ESR1: variants seen among roughly 807,000 people sequenced by gnomAD.
ESR1 encodes the protein estrogen receptor 1, also known as estrogen receptor.
Under a neutral mutation model 52.7 loss-of-function variants are expected in ESR1, and 12 were observed. That is an observed-to-expected ratio of 0.23 (90% CI 0.15 to 0.37). The LOEUF (loss-of-function observed/expected upper bound fraction) is 0.37. Among genes scored for constraint, ESR1 ranks in the 10% least tolerant of loss-of-function variants. ESR1 has a pLI of 1.00. For synonymous variants in ESR1, 305 were observed against 316.8 expected (o/e 0.96, Z 0.39); for missense variants, 584 against 779.7 (o/e 0.75, Z 2.99).
At chr6:151,931,318 C>T (rs182501759) in intron 3 of ESR1, among the ~76,000 whole-genome samples, 422 of 152,242 alleles carry the variant, frequency 2.8e-3, no homozygotes, top group Non-Finnish European at 4.6e-3. Context: ...TCCTCAAAGA[C>T]ATTTTTCATT....
At chr6:151,959,938 A>G (rs572649637) in intron 4 of ESR1, among the ~76,000 whole-genome samples, 1 of 152,326 alleles carries the variant, frequency 6.6e-6, no homozygotes, top group African/African-American at 2.4e-5. Flanking sequence ...ACATGTATGT[A>G]CTATGTGTTC....
intron 5 of ESR1, among the ~76,000 whole-genome samples, chr6:152,023,915 A>C (rs2128828532): frequency 6.6e-6 from 1 of 152,272 alleles, no homozygotes; most frequent in South Asian, 2.1e-4. Context: ...TTTGTAAATA[A>C]AATGTTACTG....
chr6:151,993,054 A>T (rs1168050502), intron 4 of ESR1, among the ~76,000 whole-genome samples: 3 of 152,154 alleles, frequency 2.0e-5, no homozygotes, highest in African/African-American at 7.2e-5. Context: ...GGTTTGAAAA[A>T]TAAAATTATG....
intron 2 of ESR1, among the ~76,000 whole-genome samples, chr6:151,742,478 A>T (rs572687089): frequency 6.6e-6 from 1 of 152,266 alleles, no homozygotes; most frequent in Non-Finnish European, 1.5e-5. Flanking sequence ...TTTCCCTTAC[A>T]TGTGCTGAAC....
At chr6:151,924,007 A>G (rs1385531207) in intron 3 of ESR1, among the ~76,000 whole-genome samples, 1 of 152,150 alleles carries the variant, frequency 6.6e-6, no homozygotes, top group Admixed American at 6.5e-5. Context: ...TAACTATTGT[A>G]ATAGATGTGT....
intron 1 of ESR1, among the ~76,000 whole-genome samples, chr6:151,663,151 A>G (rs181571285): frequency 4.0e-4 from 61 of 152,316 alleles, no homozygotes; most frequent in Admixed American, 7.2e-4. Flanking sequence ...ATTTAATCGC[A>G]TGTGATAACA....
intron 2 of ESR1, among the ~76,000 whole-genome samples, chr6:151,857,367 G>A (rs1240642485): frequency 6.6e-6 from 1 of 151,652 alleles, no homozygotes; most frequent in African/African-American, 2.4e-5. Flanking sequence ...TTTATATAAG[G>A]GACTTAAACA....
chr6:151,674,877 CAA>C (rs1778200169), intron 1 of ESR1, among the ~76,000 whole-genome samples: 1 of 152,122 alleles, frequency 6.6e-6, no homozygotes, highest in African/African-American at 2.4e-5. Context: ...AGTTCATGGA[CAA>C]GAGAATATTT....
intron 3 of ESR1, among the ~76,000 whole-genome samples, chr6:151,894,640 G>A (rs1214776036): frequency 1.3e-5 from 2 of 152,064 alleles, no homozygotes; most frequent in African/African-American, 4.8e-5. Flanking sequence ...TTGTTGAATA[G>A]GGTGTCCTTT....
At chr6:151,743,722 C>G (rs1783271751) in intron 2 of ESR1, among the ~76,000 whole-genome samples, 1 of 152,172 alleles carries the variant, frequency 6.6e-6, no homozygotes, top group East Asian at 1.9e-4. Context: ...CACACAAAGA[C>G]TCTCCCAATG....
chr6:152,049,577 G>A (rs1205361612), intron 5 of ESR1, among the ~76,000 whole-genome samples: 1 of 152,214 alleles, frequency 6.6e-6, no homozygotes, highest in East Asian at 1.9e-4. Flanking sequence ...AATGGAGAGG[G>A]TCTGAGTTCT....
chr6:151,802,873 C>T (rs1382864700), upstream of ESR1, among the ~76,000 whole-genome samples: 1 of 151,856 alleles, frequency 6.6e-6, no homozygotes, highest in Non-Finnish European at 1.5e-5. Context: ...CACCTGTAAT[C>T]CCAGCTACTT....
chr6:151,811,193 G>A (rs907722744), intron 1 of ESR1: 3 of 152,166 alleles, frequency 2.0e-5, no homozygotes, highest in Non-Finnish European at 4.4e-5. Flanking sequence ...GCATAATAAT[G>A]TGAGAAAGAT....
chr6:151,937,510 A>G (rs1471973255), intron 3 of ESR1, among the ~76,000 whole-genome samples: 1 of 152,178 alleles, frequency 6.6e-6, no homozygotes, highest in Non-Finnish European at 1.5e-5. Context: ...GAAGGAACCT[A>G]TGAACTAGGA....
chr6:151,775,669 C>G (rs1049911657), intron 2 of ESR1, among the ~76,000 whole-genome samples: 1 of 151,798 alleles, frequency 6.6e-6, no homozygotes, highest in Non-Finnish European at 1.5e-5. Flanking sequence ...TGGCGTGAAC[C>G]CGGGAGGCGG....
chr6:151,773,703 A>G (rs9397446), intron 2 of ESR1, among the ~76,000 whole-genome samples: 39,967 of 152,078 alleles, frequency 0.26, 6,542 homozygotes, highest in East Asian at 0.44. Context: ...AGGAATCCTG[A>G]CATCTTCTCT....
intron 2 of ESR1, among the ~76,000 whole-genome samples, chr6:151,875,281 T>C (rs917794856): frequency 1.3e-5 from 2 of 152,028 alleles, no homozygotes; most frequent in African/African-American, 4.8e-5. Context: ...TGGATTTGAG[T>C]TTTGGGGTCC....
intron 2 of ESR1, among the ~76,000 whole-genome samples, chr6:151,712,387 G>A (rs1780687782): frequency 6.6e-6 from 1 of 152,114 alleles, no homozygotes; most frequent in South Asian, 2.1e-4. Context: ...GAAAGTCAAT[G>A]GTAGCCTGAT....
chr6:152,091,803 A>G (rs937979670), intron 6 of ESR1, among the ~76,000 whole-genome samples: 4 of 152,210 alleles, frequency 2.6e-5, no homozygotes, highest in African/African-American at 7.2e-5. Context: ...AGGGACATCC[A>G]AGCTGTTTGA....
Sources: gnomAD v4.1 joint callset for allele counts (sites outside exome capture counted in the v4.1 genomes callset) on GRCh38, gnomAD v4.1.1 for gene constraint, MANE v1.5 for transcripts, NCBI Gene and HGNC (gene_info 2026-07-23, HGNC 2026-07-21) for gene names.